The following KCNQ5 variants were observed in gnomAD, a reference collection of about 807,000 sequenced individuals.
The protein encoded by KCNQ5 is potassium voltage-gated channel subfamily KQT member 5.
Under a neutral mutation model 98.2 loss-of-function variants are expected in KCNQ5, and 30 were observed. That is an observed-to-expected ratio of 0.31 (90% CI 0.23 to 0.41). The LOEUF (loss-of-function observed/expected upper bound fraction) is 0.41, where lower values mean the gene tolerates loss of function less well. KCNQ5 is among the 10% of genes least tolerant of loss of function. The pLI, the probability that KCNQ5 is intolerant of heterozygous loss-of-function variation, is 1.00. For missense variants in KCNQ5, 835 were observed against 1,182.5 expected (o/e 0.71, Z 4.31); for synonymous variants, 458 against 449.4 (o/e 1.02, Z -0.24).
rs1261957630 is a variant in KCNQ5, at chr6:72,946,681, C to T, written c.399-57227C>T. Reference sequence around the variant, plus strand: ...TTTATTTCTTCTCTGCCTTAACATTCAATCTAATTGAAAAAGCTAGGAGAC... The same window carrying T: ...TTTATTTCTTCTCTGCCTTAACATTTAATCTAATTGAAAAAGCTAGGAGAC... On this transcript the variant is annotated intron_variant, in intron 1 of 13. Coordinates refer to ENST00000370398, the MANE Select transcript of KCNQ5 (RefSeq NM_019842.4). 2.6e-5 allele frequency among the ~76,000 whole-genome samples: 4 copies of T among 152,150 alleles called. No homozygotes were observed. In the East Asian group the frequency reaches 7.7e-4, roughly 29 times the overall value.
At chr6:73,183,761 G>A (rs1778480181) in intron 11 of KCNQ5, among the ~76,000 whole-genome samples, 1 of 152,286 alleles carries the variant, frequency 6.6e-6, no homozygotes. Context: ...AAAGAGGGAG[G>A]CTGAGATAAT....
intron 1 of KCNQ5, among the ~76,000 whole-genome samples, chr6:72,946,882 C>A (rs1423288363): frequency 6.6e-6 from 1 of 152,180 alleles, no homozygotes; most frequent in African/African-American, 2.4e-5. Flanking sequence ...ATAATAAAGA[C>A]CGGCAAGGGA....
At chr6:72,944,241 A>AT (rs1476635660) in intron 1 of KCNQ5, among the ~76,000 whole-genome samples, 4 of 152,082 alleles carry the variant, frequency 2.6e-5, no homozygotes, top group African/African-American at 9.7e-5. Context: ...TTCCACTAAG[A>AT]TTTTTTTCTT....
At chr6:73,128,252 A>G (rs1214692011) in intron 9 of KCNQ5, among the ~76,000 whole-genome samples, 1 of 152,198 alleles carries the variant, frequency 6.6e-6, no homozygotes, top group African/African-American at 2.4e-5. Flanking sequence ...ATACTTCTTT[A>G]GCATCATTTA....
chr6:72,773,030 C>A (rs1170489050), intron 1 of KCNQ5, among the ~76,000 whole-genome samples: 1 of 152,034 alleles, frequency 6.6e-6, no homozygotes, highest in Non-Finnish European at 1.5e-5. Context: ...ATCAGTGTTG[C>A]CCCTTGTAAA....
At position 72,672,056 on chromosome 6, in the gene KCNQ5, T is replaced by G. The variant is rs544394116; in HGVS notation, c.398+49469T>G. ...TGGTCTCAATCTTCTGACCTCATGA[T>G]CCGCCCGCCTCGGCCTCCCAAAGTG... On this transcript the variant is annotated intron_variant, in intron 1 of 13. Coordinates refer to ENST00000370398, the MANE Select transcript of KCNQ5 (RefSeq NM_019842.4). 6.7e-4 allele frequency among the ~76,000 whole-genome samples: 101 copies of G among 151,794 alleles called. 1 individual carries two copies. The highest frequency in any genetic ancestry group is 2.3e-3 in the African/African-American group (97 of 41,386).
At chr6:73,034,896 A>G (rs1332697459) in intron 2 of KCNQ5, among the ~76,000 whole-genome samples, 17 of 136,972 alleles carry the variant, frequency 1.2e-4, no homozygotes. Flanking sequence ...CCCAAGCTGG[A>G]GTGCAGTGGC....
intron 1 of KCNQ5, among the ~76,000 whole-genome samples, chr6:72,645,867 T>A (rs1366421550): frequency 2.0e-5 from 3 of 152,126 alleles, no homozygotes; most frequent in African/African-American, 7.2e-5. Flanking sequence ...TCATGGTGAG[T>A]CCTTTAATGA....
At chr6:72,820,979 T>C (rs1395462031) in intron 1 of KCNQ5, among the ~76,000 whole-genome samples, 9 of 152,124 alleles carry the variant, frequency 5.9e-5, no homozygotes, top group Admixed American at 5.2e-4. Flanking sequence ...GAAGCTGATA[T>C]ATGGATAATG....
At chr6:73,184,791 C>T (rs1282964266) in intron 11 of KCNQ5, among the ~76,000 whole-genome samples, 1 of 152,182 alleles carries the variant, frequency 6.6e-6, no homozygotes, top group African/African-American at 2.4e-5. Context: ...TGCAAAGAGA[C>T]AGAATCCTGA....
chr6:73,091,040 C>T lies in KCNQ5; in HGVS notation c.918+13153C>T, dbSNP rs776988274. 1.3e-5 allele frequency among the ~76,000 whole-genome samples: 2 copies of T among 152,172 alleles called. 1 individual carries two copies. Among genetic ancestry groups the T allele is most frequent in the South Asian group, 4.1e-4 (2 of 4,824 alleles). ...ATGCACTTGTATGTTTATTGTAGCA[C>T]TTTTCACAGTAGTAAAGTCTTGGAA... is the stretch of plus-strand genomic sequence containing the variant. On this transcript the variant is annotated intron_variant, in intron 5 of 13. Transcript: ENST00000370398.
intron 1 of KCNQ5, among the ~76,000 whole-genome samples, chr6:72,875,606 T>C (rs1488602301): frequency 1.3e-5 from 2 of 152,152 alleles, no homozygotes; most frequent in Non-Finnish European, 2.9e-5. Flanking sequence ...TAAATGAAAA[T>C]GTTTTGTTAT....
At chr6:73,131,012 G>T (rs1356652970) in intron 9 of KCNQ5, among the ~76,000 whole-genome samples, 1 of 152,168 alleles carries the variant, frequency 6.6e-6, no homozygotes, top group East Asian at 1.9e-4. Context: ...GGACAAAAGG[G>T]AAATGTTACT....
intron 2 of KCNQ5, among the ~76,000 whole-genome samples, chr6:73,035,427 T>G (rs1771367851): frequency 6.6e-6 from 1 of 152,234 alleles, no homozygotes; most frequent in Non-Finnish European, 1.5e-5. Context: ...TATTATTCAC[T>G]AATCTCTTTA....
intron 1 of KCNQ5, among the ~76,000 whole-genome samples, chr6:72,672,767 A>G (rs1349274647): frequency 6.6e-6 from 1 of 152,192 alleles, no homozygotes; most frequent in Non-Finnish European, 1.5e-5. Flanking sequence ...CATTACTATA[A>G]TAGTGGTAAT....
chr6:72,791,936 A>G (rs1279109432), intron 1 of KCNQ5, among the ~76,000 whole-genome samples: 1 of 152,134 alleles, frequency 6.6e-6, no homozygotes, highest in Non-Finnish European at 1.5e-5. Context: ...TGTCAACACT[A>G]TTGCATTGGA....
At chr6:72,761,564 A>G (rs765140244) in intron 1 of KCNQ5, among the ~76,000 whole-genome samples, 3 of 151,864 alleles carry the variant, frequency 2.0e-5, no homozygotes, top group Non-Finnish European at 4.4e-5. Context: ...TTTAATCATC[A>G]TAAATATAAA....
At chr6:72,773,072 G>A (rs1032104867) in intron 1 of KCNQ5, among the ~76,000 whole-genome samples, 10 of 152,154 alleles carry the variant, frequency 6.6e-5, no homozygotes, top group African/African-American at 2.2e-4. Context: ...TAAACAAAAG[G>A]ATCTAGAACT....
chr6:72,950,367 C>T (rs1471839093), intron 1 of KCNQ5, among the ~76,000 whole-genome samples: 1 of 152,220 alleles, frequency 6.6e-6, no homozygotes, highest in African/African-American at 2.4e-5. Flanking sequence ...AATCAAGGCA[C>T]AGTCTGAAGT....
Sources: gnomAD v4.1 joint callset for allele counts (sites outside exome capture counted in the v4.1 genomes callset) on GRCh38, gnomAD v4.1.1 for gene constraint, MANE v1.5 for transcripts, NCBI Gene and HGNC (gene_info 2026-07-23, HGNC 2026-07-21) for gene names.